KCNH7: variants seen among roughly 807,000 people sequenced by gnomAD.
The protein encoded by KCNH7 is potassium voltage-gated channel subfamily H member 7, also known as voltage-gated inwardly rectifying potassium channel KCNH7.
KCNH7 carries 49 observed loss-of-function variants against 120.8 expected under a neutral mutation model. That is an observed-to-expected ratio of 0.41 (90% CI 0.32 to 0.51). The LOEUF is 0.51. Ranked by LOEUF, KCNH7 falls within the 20% of genes least tolerant of loss-of-function variation. The pLI is 0.38. For missense variants in KCNH7, 1,097 were observed against 1,446.6 expected (o/e 0.76, Z 3.92); for synonymous variants, 547 against 516.1 (o/e 1.06, Z -0.81).
chr2:162,554,134 A>G (rs1399827453), intron 2 of KCNH7, among the ~76,000 whole-genome samples: 1 of 152,188 alleles, frequency 6.6e-6, no homozygotes, highest in East Asian at 1.9e-4. Context: ...CTGTTAGTTG[A>G]GGCCCATTCA....
rs56987002 is a variant in KCNH7, at chr2:162,802,016, G to A, written c.307+34521C>T. On this transcript the variant is annotated intron_variant, in intron 2 of 15. Coordinates refer to ENST00000332142, the MANE Select transcript of KCNH7 (RefSeq NM_033272.4). Reference sequence around the variant, plus strand: ...CCAATATAGTGGTTCACAAACTTTAGTGTGCATCAGAATCACCTAGGAATC... The same window carrying A: ...CCAATATAGTGGTTCACAAACTTTAATGTGCATCAGAATCACCTAGGAATC... 2.4e-4 allele frequency among the ~76,000 whole-genome samples: 37 copies of A among 151,846 alleles called. 1 individual carries two copies. The highest frequency in any genetic ancestry group is 6.6e-4 in the Admixed American group (10 of 15,216).
chr2:162,503,984 A>G (rs1018571755), intron 6 of KCNH7, among the ~76,000 whole-genome samples: 19 of 152,014 alleles, frequency 1.2e-4, no homozygotes, highest in African/African-American at 4.6e-4. Flanking sequence ...ATCATCTCAG[A>G]CAGCTCTTTT....
At chr2:162,832,283 C>T (rs1029181515) in intron 2 of KCNH7, among the ~76,000 whole-genome samples, 19 of 152,184 alleles carry the variant, frequency 1.2e-4, no homozygotes, top group African/African-American at 4.3e-4. Flanking sequence ...ATCTCTTCTA[C>T]ACAATCCAAG....
At chr2:162,709,156 C>T (rs1686830076) in intron 2 of KCNH7, among the ~76,000 whole-genome samples, 1 of 152,008 alleles carries the variant, frequency 6.6e-6, no homozygotes, top group African/African-American at 2.4e-5. Flanking sequence ...TACCTATCTC[C>T]TAGGTTTATC....
intron 2 of KCNH7, among the ~76,000 whole-genome samples, chr2:162,712,493 G>A (rs1337248784): frequency 6.6e-6 from 1 of 152,118 alleles, no homozygotes; most frequent in Non-Finnish European, 1.5e-5. Flanking sequence ...TAAGAGGGGA[G>A]AATGGTTCAG....
At chr2:162,474,752 C>T (rs773575404) in intron 6 of KCNH7, among the ~76,000 whole-genome samples, 21 of 152,014 alleles carry the variant, frequency 1.4e-4, no homozygotes, top group Non-Finnish European at 1.9e-4. Flanking sequence ...CATAAGTAAG[C>T]TCAGAAGAGG....
chr2:162,417,373 G>A lies in KCNH7; in HGVS notation c.2154+5963C>T, dbSNP rs531197926. ...ATCAAGTGATCTGAAACTGAATTGA[G>A]TTGAATTATTCCTATGCTCCTACCA... On this transcript the variant is annotated intron_variant, in intron 9 of 15. Transcript: ENST00000332142. Among the ~76,000 whole-genome samples, 10 of 152,240 alleles carry A rather than the reference G, an allele frequency of 6.6e-5. No homozygotes were observed. In the East Asian group the frequency reaches 1.9e-3, roughly 29 times the overall value.
chr2:162,806,358 T>A (rs1684539694), intron 2 of KCNH7, among the ~76,000 whole-genome samples: 1 of 152,212 alleles, frequency 6.6e-6, no homozygotes, highest in African/African-American at 2.4e-5. Context: ...ATGAAGATAA[T>A]AAAATACTAT....
At chr2:162,704,222 T>G (rs1463339738) in intron 2 of KCNH7, among the ~76,000 whole-genome samples, 1 of 152,156 alleles carries the variant, frequency 6.6e-6, no homozygotes, top group Non-Finnish European at 1.5e-5. Flanking sequence ...ATATTTCCTA[T>G]GTTTTAGTTC....
Position 162,539,239 on chromosome 2 carries a change from G to A in KCNH7, c.308-2159C>T, listed in dbSNP as rs1692218680. Among the ~76,000 whole-genome samples, 3 of 152,126 alleles carry A rather than the reference G, an allele frequency of 2.0e-5. No individual in the cohort carries two copies. The South Asian group carries it at 6.2e-4, about 32-fold the overall frequency. Reference sequence around the variant, plus strand: ...ACACACTGGTTAAACAGAGTCTGAGGAGATGCTAGAAATAGTCATTATGTA... The same window carrying A: ...ACACACTGGTTAAACAGAGTCTGAGAAGATGCTAGAAATAGTCATTATGTA... On this transcript the variant is annotated intron_variant, in intron 2 of 15. Coordinates refer to ENST00000332142, the MANE Select transcript of KCNH7 (RefSeq NM_033272.4).
intron 3 of KCNH7, among the ~76,000 whole-genome samples, chr2:162,524,498 T>C (rs904013426): frequency 2.6e-5 from 4 of 152,154 alleles, no homozygotes; most frequent in African/African-American, 9.6e-5. Context: ...GAGAGAAATA[T>C]AGCCATCTTT....
chr2:162,371,570 AT>A lies in KCNH7; in HGVS notation c.*258del, dbSNP rs748757993. ...ATTGGAGTTTCCTAACATGCATGTG[AT>A]TTAAAAAATAAAAATAAAAAATAAG... On this transcript the variant is annotated 3_prime_UTR_variant, in exon 16 of 16. Transcript: ENST00000332142. The A allele has an allele frequency of 5.4e-4, 470 of 863,436 alleles. No homozygotes were observed. Among genetic ancestry groups the A allele is most frequent in the Non-Finnish European group, 6.3e-4 (401 of 633,080 alleles). 53.5% of individuals were successfully genotyped at this position (863,436 alleles called of 1,614,324 possible). A position where few individuals can be genotyped will look rare whatever the true frequency, so the allele number is the denominator to read the frequency against.
chr2:162,384,428 C>T (rs1165967473), intron 13 of KCNH7, among the ~76,000 whole-genome samples: 1 of 151,924 alleles, frequency 6.6e-6, no homozygotes, highest in Non-Finnish European at 1.5e-5. Context: ...GACTTTCCCA[C>T]AGTTTTCTAC....
At chr2:162,764,899 G>T (rs933779709) in intron 2 of KCNH7, among the ~76,000 whole-genome samples, 2 of 151,978 alleles carry the variant, frequency 1.3e-5, no homozygotes, top group Admixed American at 1.3e-4. Flanking sequence ...AACATATTTT[G>T]GTTAGCCAAC....
rs901406871 is a variant in KCNH7 at position 162,523,101 on chromosome 2, G to A, written c.464-4943C>T. 7.7e-4 allele frequency among the ~76,000 whole-genome samples: 117 copies of A among 151,688 alleles called. 1 individual carries two copies. Among genetic ancestry groups the A allele is most frequent in the Non-Finnish European group, 1.1e-3 (72 of 67,846 alleles). The stretch of plus-strand genomic sequence containing the variant: ...TGCCAAATTCATGCAGAAAATTCAC[G>A]TCAGGTTAGCACAAAACAGCAGTTT... On this transcript the variant is annotated intron_variant, in intron 3 of 15. Transcript: ENST00000332142.
chr2:162,542,558 T>C (rs1246530732), intron 2 of KCNH7, among the ~76,000 whole-genome samples: 2 of 151,986 alleles, frequency 1.3e-5, no homozygotes, highest in African/African-American at 2.4e-5. Flanking sequence ...ATTTCATCCA[T>C]GTCCCTACAA....
intron 2 of KCNH7, among the ~76,000 whole-genome samples, chr2:162,620,818 C>G (rs1175703886): frequency 2.6e-5 from 4 of 152,070 alleles, no homozygotes; most frequent in Non-Finnish European, 5.9e-5. Flanking sequence ...CTTCCTATTA[C>G]AGATCCTCTG....
chr2:162,480,942 G>C (rs1417401467), intron 6 of KCNH7, among the ~76,000 whole-genome samples: 2 of 152,000 alleles, frequency 1.3e-5, no homozygotes, highest in East Asian at 3.9e-4. Context: ...CTATTCACTG[G>C]GCTTGAAAAT....
chr2:162,373,942 A>C (rs1686062192), intron 14 of KCNH7, among the ~76,000 whole-genome samples: 1 of 152,220 alleles, frequency 6.6e-6, no homozygotes, highest in African/African-American at 2.4e-5. Flanking sequence ...CATTGATTTC[A>C]AAATGTAAAA....
Sources: gnomAD v4.1 joint callset for allele counts (sites outside exome capture counted in the v4.1 genomes callset) on GRCh38, gnomAD v4.1.1 for gene constraint, MANE v1.5 for transcripts, NCBI Gene and HGNC (gene_info 2026-07-23, HGNC 2026-07-21) for gene names.